Variants in GNG12 observed in about 807,000 individuals in gnomAD.
GNG12 encodes guanine nucleotide-binding protein G(I)/G(S)/G(O) subunit gamma-12.
For synonymous variants in GNG12, 28 were observed against 29.7 expected (o/e 0.94, Z 0.19); for missense variants, 69 against 83.8 (o/e 0.82, Z 0.69).
In GNG12 at chr1:67,778,044, C is replaced by T. The variant is rs546088282; in HGVS notation, c.-76-537G>A. Among the ~76,000 whole-genome samples the T allele has an allele frequency of 3.8e-3, 579 of 150,432 alleles. 4 individuals carry two copies. Among genetic ancestry groups the T allele is most frequent in the African/African-American group, 0.013 (550 of 41,102 alleles). ...TAACCCAAGCCACATACTATTAAAACATAATATTGAATATATTTAATAATA... is the reference window on the plus strand; with the variant it reads ...TAACCCAAGCCACATACTATTAAAATATAATATTGAATATATTTAATAATA... On this transcript the variant is annotated intron_variant, in intron 1 of 3. Transcript: ENST00000370982.
intron 2 of GNG12, among the ~76,000 whole-genome samples, chr1:67,728,785 T>C (rs1422327014): frequency 6.6e-6 from 1 of 152,120 alleles, no homozygotes; most frequent in African/African-American, 2.4e-5. Flanking sequence ...GAAAATAGTG[T>C]TAATGAATGT....
At chr1:67,831,142 C>T (rs1647042056) in intron 1 of GNG12, among the ~76,000 whole-genome samples, 1 of 152,224 alleles carries the variant, frequency 6.6e-6, no homozygotes, top group Non-Finnish European at 1.5e-5. Context: ...GAAAAATTTA[C>T]TTGCTTTCAC....
intron 2 of GNG12, among the ~76,000 whole-genome samples, chr1:67,753,309 G>A (rs1557605588): frequency 6.6e-6 from 1 of 151,642 alleles, no homozygotes. Context: ...TTCAAATTTG[G>A]GATGCTCAAC....
At position 67,832,917 on chromosome 1, in the gene GNG12, T is replaced by G. The variant is rs573793379; in HGVS notation, c.-77+427A>C. Among the ~76,000 whole-genome samples, 4 of 152,274 alleles carry G rather than the reference T, an allele frequency of 2.6e-5. No individual in the cohort carries two copies. In the East Asian group the frequency reaches 5.8e-4, roughly 22 times the overall value. On this transcript the variant is annotated intron_variant, in intron 1 of 3. Transcript: ENST00000370982. ...CACCACAAGCCACGGCTGGGAACACTGGGGGCCTCCCAACCCGGCGCGGGG... is the reference window on the plus strand; with the variant it reads ...CACCACAAGCCACGGCTGGGAACACGGGGGGCCTCCCAACCCGGCGCGGGG...
chr1:67,753,211 A>T (rs1646548711), intron 2 of GNG12, among the ~76,000 whole-genome samples: 1 of 152,198 alleles, frequency 6.6e-6, no homozygotes, highest in Non-Finnish European at 1.5e-5. Flanking sequence ...CAAGTTGAGC[A>T]TCCCAAATCT....
chr1:67,817,803 T>G (rs1646961633), intron 1 of GNG12, among the ~76,000 whole-genome samples: 1 of 148,290 alleles, frequency 6.7e-6, no homozygotes, highest in Non-Finnish European at 1.5e-5. Context: ...TTTTTTTTTT[T>G]TTTTGCGATG....
intron 1 of GNG12, among the ~76,000 whole-genome samples, chr1:67,829,961 A>T (rs1324286969): frequency 2.0e-5 from 3 of 152,054 alleles, no homozygotes; most frequent in Non-Finnish European, 2.9e-5. Context: ...GCATTAGGAC[A>T]AAAACAAGAA....
intron 1 of GNG12, among the ~76,000 whole-genome samples, chr1:67,778,674 G>C (rs185176882): frequency 5.0e-4 from 76 of 152,296 alleles, no homozygotes; most frequent in African/African-American, 1.8e-3. Context: ...CTGAGGCACA[G>C]AGGGGTTACA....
At chr1:67,771,614 C>T (rs1221243000) in intron 2 of GNG12, among the ~76,000 whole-genome samples, 2 of 152,132 alleles carry the variant, frequency 1.3e-5, no homozygotes, top group Admixed American at 6.6e-5. Context: ...TCTTATGGGT[C>T]CTGTACAACA....
At position 67,732,765 on chromosome 1, in the gene GNG12, C is replaced by T. The variant is rs116449172; in HGVS notation, c.-26-25053G>A. Reference sequence around the variant, plus strand: ...GTCCCCCAGGACTAGGGAAAGGAGCCGGGTTCCTGACCCTCAGACGAGGCT... The same window carrying T: ...GTCCCCCAGGACTAGGGAAAGGAGCTGGGTTCCTGACCCTCAGACGAGGCT... On this transcript the variant is annotated intron_variant, in intron 2 of 3. Transcript: ENST00000370982. Among the ~76,000 whole-genome samples the T allele has an allele frequency of 4.8e-3, 736 of 152,276 alleles. 7 individuals are homozygous for T. The highest frequency in any genetic ancestry group is 0.017 in the African/African-American group (697 of 41,548).
At chr1:67,743,461 G>C (rs942294035) in intron 2 of GNG12, among the ~76,000 whole-genome samples, 1 of 152,172 alleles carries the variant, frequency 6.6e-6, no homozygotes, top group Non-Finnish European at 1.5e-5. Context: ...ATTTTTATCT[G>C]CTGCTAATAC....
intron 1 of GNG12, among the ~76,000 whole-genome samples, chr1:67,803,189 A>C (rs897652730): frequency 5.3e-5 from 8 of 151,528 alleles, no homozygotes; most frequent in Non-Finnish European, 8.8e-5. Flanking sequence ...TTATTCCTTG[A>C]TATTTATCCC....
chr1:67,795,406 G>C (rs72924715), intron 1 of GNG12, among the ~76,000 whole-genome samples: 398 of 152,236 alleles, frequency 2.6e-3, no homozygotes, highest in African/African-American at 8.7e-3. Context: ...TCTGAACTGC[G>C]AGTCAGAGAC....
chr1:67,805,031 G>A (rs1646887129), intron 1 of GNG12, among the ~76,000 whole-genome samples: 1 of 152,110 alleles, frequency 6.6e-6, no homozygotes, highest in Non-Finnish European at 1.5e-5. Context: ...TAATCTGTTT[G>A]GGTTTTATCA....
chr1:67,705,315 C>A lies in GNG12; in HGVS notation c.*136G>T. The A allele has an allele frequency of 7.4e-7, 1 of 1,344,038 alleles. No homozygotes were observed. Among genetic ancestry groups the A allele is most frequent in the Non-Finnish European group, 9.9e-7 (1 of 1,006,698 alleles). The allele number at this position is 1,344,038 out of a possible 1,614,324, so 83.3% of individuals were successfully genotyped here. Reference sequence around the variant, plus strand: ...AGGACAACTTGGAAAATAGAGACTTCAGAGTCCATTATTCCAAGCTGAGAA... The same window carrying A: ...AGGACAACTTGGAAAATAGAGACTTAAGAGTCCATTATTCCAAGCTGAGAA... On this transcript the variant is annotated 3_prime_UTR_variant, in exon 4 of 4. Transcript: ENST00000370982.
At chr1:67,802,927 A>G (rs1005063921) in intron 1 of GNG12, among the ~76,000 whole-genome samples, 1 of 152,232 alleles carries the variant, frequency 6.6e-6, no homozygotes, top group African/African-American at 2.4e-5. Context: ...GAAAGCAGAC[A>G]TGAAGCTATA....
At chr1:67,829,117 G>C (rs918136300) in intron 1 of GNG12, among the ~76,000 whole-genome samples, 1 of 152,134 alleles carries the variant, frequency 6.6e-6, no homozygotes, top group Non-Finnish European at 1.5e-5. Flanking sequence ...AAGCAGGTTG[G>C]GGGTGGGAGA....
chr1:67,711,746 A>C (rs1646296974), intron 2 of GNG12, among the ~76,000 whole-genome samples: 1 of 152,178 alleles, frequency 6.6e-6, no homozygotes, highest in Non-Finnish European at 1.5e-5. Context: ...CTCTGCCTAC[A>C]TCTGCTGTTC....
intron 1 of GNG12, among the ~76,000 whole-genome samples, chr1:67,799,936 G>C (rs949900633): frequency 6.6e-6 from 1 of 151,848 alleles, no homozygotes; most frequent in Non-Finnish European, 1.5e-5. Context: ...ACATGTTTTT[G>C]TAGTTTTAGT....
Sources: allele counts gnomAD v4.1 joint callset (sites outside exome capture counted in the v4.1 genomes callset), GRCh38; gene constraint gnomAD v4.1.1; transcripts MANE v1.5; gene names NCBI Gene and HGNC (gene_info 2026-07-23, HGNC 2026-07-21).